FOXN2: variants seen among roughly 807,000 people sequenced by gnomAD.
The protein encoded by FOXN2 is forkhead box N2, also known as forkhead box protein N2.
Under a neutral mutation model 41.2 loss-of-function variants are expected in FOXN2, and 19 were observed. The ratio of observed to expected loss-of-function variants is 0.46; its 90% CI spans 0.32 to 0.68. FOXN2 has a LOEUF of 0.68. FOXN2 is among the 30% of genes least tolerant of loss of function. FOXN2 has a pLI of 0.03. For missense variants in FOXN2, 587 were observed against 509.4 expected (o/e 1.15, Z -1.47); for synonymous variants, 195 against 176.8 (o/e 1.10, Z -0.82).
chr2:48,378,384 A>G lies in FOXN2; in HGVS notation c.*2941A>G, dbSNP rs553347435. 6.6e-6 allele frequency: 1 copy of G among 151,610 alleles called. No homozygotes were observed. Among genetic ancestry groups the G allele is most frequent in the South Asian group, 2.1e-4 (1 of 4,798 alleles). 9.4% of individuals were successfully genotyped at this position (151,610 alleles called of 1,614,324 possible). ...GTATATAGTAAAGTTTAGTATATAT[A>G]TATTTTTTTCTTTTTGCTACTTTCT... On this transcript the variant is annotated 3_prime_UTR_variant, in exon 7 of 7. Transcript: ENST00000340553.
chr2:48,333,772 G>T (rs932924506), intron 2 of FOXN2, among the ~76,000 whole-genome samples: 2 of 152,148 alleles, frequency 1.3e-5, no homozygotes, highest in African/African-American at 4.8e-5. Context: ...CTGAGTGGAT[G>T]TAAGGGTATT....
intron 5 of FOXN2, among the ~76,000 whole-genome samples, chr2:48,367,906 G>A (rs1490870303): frequency 2.6e-5 from 4 of 152,114 alleles, no homozygotes; most frequent in East Asian, 1.9e-4. Context: ...GCAGTGGCAC[G>A]ATCTTCGCTC....
chr2:48,317,595 C>CTTTTTTTTTTTTTTT lies in FOXN2; in HGVS notation c.-157+2797_-157+2811dup, dbSNP rs574980247. ...ACAATGCCTATAGCCTATAGTATTG[C>CTTTTTTTTTTTTTTT]TTTTTTTTTTTTTTTTTTTTTTTTT... On this transcript the variant is annotated intron_variant, in intron 1 of 6. Transcript: ENST00000340553. Among the ~76,000 whole-genome samples the CTTTTTTTTTTTTTTT allele has an allele frequency of 8.3e-4, 29 of 34,746 alleles. 9 individuals carry two copies. Among genetic ancestry groups the CTTTTTTTTTTTTTTT allele is most frequent in the Admixed American group, 2.6e-3 (5 of 1,928 alleles). 22.8% of individuals were successfully genotyped at this position (34,746 alleles called of 152,430 possible).
At chr2:48,371,638 G>A (rs893052190) in intron 5 of FOXN2, among the ~76,000 whole-genome samples, 11 of 151,996 alleles carry the variant, frequency 7.2e-5, no homozygotes, top group South Asian at 2.1e-4. Flanking sequence ...TTATATTTCC[G>A]TGAAGGATAT....
At chr2:48,338,237 G>A (rs1308580554) in intron 2 of FOXN2, among the ~76,000 whole-genome samples, 1 of 152,182 alleles carries the variant, frequency 6.6e-6, no homozygotes, top group South Asian at 2.1e-4. Flanking sequence ...AAGTTGGCCT[G>A]TTCTTTAGTA....
rs377347494 is a variant in FOXN2 at position 48,375,378 on chromosome 2, C to T, written c.1231C>T (p.Arg411Cys). ...ATCTCTGCTCCACCTTGCTGGAATT[C>T]GTACATGTTTAGGTTCCCTAATAAG... ...AGSLLHLAGIRTCLGSLISTA... is the reference protein window; with the variant it reads ...AGSLLHLAGICTCLGSLISTA... Residue 411 changes from arginine (R) to cysteine (C), a missense_variant, in exon 7 of 7, where the codon CGT (arginine) becomes TGT (cysteine). By Grantham distance (180) the Arg-to-Cys change is radical. Coordinates refer to ENST00000340553, the MANE Select transcript of FOXN2 (RefSeq NM_002158.4). 1.7e-5 allele frequency: 27 copies of T among 1,613,494 alleles called. No homozygotes were observed. The highest frequency in any genetic ancestry group is 1.7e-4 in the Middle Eastern group (1 of 6,042).
chr2:48,336,445 G>A (rs1024928001), intron 2 of FOXN2, among the ~76,000 whole-genome samples: 3 of 147,776 alleles, frequency 2.0e-5, no homozygotes, highest in African/African-American at 7.5e-5. Context: ...ATGTGTGTGT[G>A]TGTGTGTGTG....
intron 5 of FOXN2, among the ~76,000 whole-genome samples, chr2:48,367,005 C>T (rs1395820831): frequency 6.6e-6 from 1 of 152,122 alleles, no homozygotes; most frequent in Non-Finnish European, 1.5e-5. Flanking sequence ...ATTAGAGCTA[C>T]CTTTAGACAC....
rs530883870 is a variant in FOXN2 at position 48,317,240 on chromosome 2, G to T, written c.-157+2426G>T. Among the ~76,000 whole-genome samples the T allele has an allele frequency of 1.2e-4, 18 of 152,134 alleles. 1 individual carries two copies. In the East Asian group the frequency reaches 3.3e-3, roughly 28 times the overall value. ...GAGGTGGGAGGATCACCTGAGGTTAGGAGTTTGAGACCAGCCTGGCCAACG... is the reference window on the plus strand; with the variant it reads ...GAGGTGGGAGGATCACCTGAGGTTATGAGTTTGAGACCAGCCTGGCCAACG... On this transcript the variant is annotated intron_variant, in intron 1 of 6. Transcript: ENST00000340553.
At chr2:48,371,330 G>A (rs920192940) in intron 5 of FOXN2, among the ~76,000 whole-genome samples, 1 of 152,112 alleles carries the variant, frequency 6.6e-6, no homozygotes, top group Non-Finnish European at 1.5e-5. Flanking sequence ...CTGGGAGATG[G>A]AGGTTGCAGT....
chr2:48,341,833 A>G (rs935159137), intron 2 of FOXN2, among the ~76,000 whole-genome samples: 4 of 152,208 alleles, frequency 2.6e-5, no homozygotes, highest in African/African-American at 9.7e-5. Flanking sequence ...ATCATGTACA[A>G]ACCAATATGA....
At chr2:48,322,008 G>A (rs1233608657) in intron 1 of FOXN2, among the ~76,000 whole-genome samples, 1 of 152,212 alleles carries the variant, frequency 6.6e-6, no homozygotes, top group Non-Finnish European at 1.5e-5. Flanking sequence ...GAGCACAGTG[G>A]CGTGATCTCG....
chr2:48,375,001 G>T lies in FOXN2; in HGVS notation c.854G>T (p.Arg285Leu), dbSNP rs754314264. The T allele has an allele frequency of 7.4e-6, 12 of 1,613,892 alleles. No homozygotes were observed. Among genetic ancestry groups the T allele is most frequent in the Non-Finnish European group, 1.0e-5 (12 of 1,179,964 alleles). ...GCATTTCATCATCCCAGTGCTGTAC[G>T]ATTACAAGAGAGTGATTCTTTAGCC... Reference protein sequence around the residue: ...GNAFHHPSAVRLQESDSLATS... With the variant: ...GNAFHHPSAVLLQESDSLATS... Residue 285 changes from arginine (R) to leucine (L), a missense_variant, in exon 7 of 7, where the codon CGA becomes CTA. Arg to Leu is a moderately radical substitution (Grantham distance 102, BLOSUM62 -2). Transcript: ENST00000340553.
At position 48,334,588 on chromosome 2, in the gene FOXN2, A is replaced by T. The variant is rs542832468; in HGVS notation, c.-15+5886A>T. Among the ~76,000 whole-genome samples, 14 of 152,296 alleles carry T rather than the reference A, an allele frequency of 9.2e-5. No individual in the cohort carries two copies. The South Asian group carries it at 1.2e-3, about 14-fold the overall frequency. ...AATGCTGGATAAAATAAAATCTTAAATGCATCAGTGCTCTGGCGCAAAGGG... is the reference window on the plus strand; with the variant it reads ...AATGCTGGATAAAATAAAATCTTAATTGCATCAGTGCTCTGGCGCAAAGGG... On this transcript the variant is annotated intron_variant, in intron 2 of 6. Coordinates refer to ENST00000340553, the MANE Select transcript of FOXN2 (RefSeq NM_002158.4).
chr2:48,352,556 A>G (rs976181501), intron 3 of FOXN2, among the ~76,000 whole-genome samples: 6 of 152,080 alleles, frequency 3.9e-5, no homozygotes, highest in African/African-American at 1.4e-4. Flanking sequence ...TGATCTTATG[A>G]CTTCTAGATC....
chr2:48,317,594 G>GCTTTTTTT (rs1669006446), intron 1 of FOXN2, among the ~76,000 whole-genome samples: 1 of 49,546 alleles, frequency 2.0e-5, no homozygotes, highest in Non-Finnish European at 4.4e-5. Flanking sequence ...CTATAGTATT[G>GCTTTTTTT]CTTTTTTTTT....
In FOXN2 at chr2:48,375,068, T is replaced by C. The variant is rs1376115427; in HGVS notation, c.921T>C (p.Ser307=). 5 of 1,613,944 alleles carry C rather than the reference T, an allele frequency of 3.1e-6. No homozygotes were observed. In the African/African-American group the frequency reaches 5.3e-5, roughly 17 times the overall value. ...AAGAAGATCACAATTACAGTGCAAG[T>C]AGCATGGCAGCACAGCGTTGTGCAT... ...DPKEDHNYSA[S]SMAAQRCASR... The change falls in exon 7 of 7, where the codon AGT becomes AGC. Residue 307 remains serine (S), a synonymous_variant. Coordinates refer to ENST00000340553, the MANE Select transcript of FOXN2 (RefSeq NM_002158.4).
chr2:48,318,547 ACTTTCCTGCCTCCTTCCG>A (rs1669084592), intron 1 of FOXN2, among the ~76,000 whole-genome samples: 1 of 152,168 alleles, frequency 6.6e-6, no homozygotes, highest in African/African-American at 2.4e-5. Flanking sequence ...AGTTTCGCCC[ACTTTCCTGCCTCCTTCCG>A]ATCTCTACTC....
intron 5 of FOXN2, among the ~76,000 whole-genome samples, chr2:48,369,905 T>TGGAA (rs1672777148): frequency 6.6e-6 from 1 of 151,644 alleles, no homozygotes; most frequent in African/African-American, 2.4e-5. Flanking sequence ...GAAGCTAAGG[T>TGGAA]TGAAGGATCG....
Sources: gnomAD v4.1 joint callset for allele counts (sites outside exome capture counted in the v4.1 genomes callset) on GRCh38, gnomAD v4.1.1 for gene constraint, MANE v1.5 for transcripts, NCBI Gene and HGNC (gene_info 2026-07-23, HGNC 2026-07-21) for gene names.